Variants in NALF1 observed in about 807,000 individuals in gnomAD.
The protein encoded by NALF1 is NALCN channel auxiliary factor 1, also known as family with sequence similarity 155 member A.
Under a neutral mutation model 48.4 loss-of-function variants are expected in NALF1, and 3 were observed. That is an observed-to-expected ratio of 0.06 (90% CI 0.03 to 0.16). The LOEUF (loss-of-function observed/expected upper bound fraction) is 0.16, where lower values mean the gene tolerates loss of function less well. Among genes scored for constraint, NALF1 ranks in the 10% least tolerant of loss-of-function variants. The pLI is 1.00. For missense variants in NALF1, 526 were observed against 571.5 expected, an observed-to-expected ratio of 0.92 and a Z score of 0.81; for synonymous variants, 262 against 245.7, an observed-to-expected ratio of 1.07 and a Z score of -0.62.
intron 1 of NALF1, among the ~76,000 whole-genome samples, chr13:107,584,399 A>T (rs1878396090): frequency 6.6e-6 from 1 of 152,162 alleles, no homozygotes; most frequent in African/African-American, 2.4e-5. Flanking sequence ...TAAGAATATG[A>T]GTTTTCTTCT....
chr13:107,638,187 T>TTATA (rs559263292), intron 1 of NALF1, among the ~76,000 whole-genome samples: 1,645 of 53,112 alleles, frequency 0.031, 98 homozygotes, highest in Non-Finnish European at 0.059. Flanking sequence ...ATATAAAGAT[T>TTATA]TATATATATA....
intron 1 of NALF1, among the ~76,000 whole-genome samples, chr13:107,758,699 G>A (rs1046992534): frequency 2.0e-5 from 3 of 152,020 alleles, no homozygotes; most frequent in Non-Finnish European, 2.9e-5. Context: ...CCAGGCTGGT[G>A]ACAGAGCGAG....
chr13:107,349,738 T>G (rs1368414615), intron 1 of NALF1, among the ~76,000 whole-genome samples: 3 of 96,668 alleles, frequency 3.1e-5, no homozygotes, highest in Non-Finnish European at 5.9e-5. Context: ...AGAATACGTC[T>G]CAAAAAAAAA....
At chr13:107,589,519 TA>T (rs1288441712) in intron 1 of NALF1, among the ~76,000 whole-genome samples, 3 of 152,070 alleles carry the variant, frequency 2.0e-5, no homozygotes, top group Admixed American at 1.3e-4. Context: ...TTCAAACAGT[TA>T]TCTGTGACTT....
intron 1 of NALF1, among the ~76,000 whole-genome samples, chr13:107,473,204 C>G (rs1885127745): frequency 1.3e-5 from 2 of 152,150 alleles, no homozygotes; most frequent in African/African-American, 4.8e-5. Flanking sequence ...ACTGACTGAT[C>G]TTTTTCATGA....
chr13:107,823,507 C>T (rs917042239), intron 1 of NALF1, among the ~76,000 whole-genome samples: 1 of 152,200 alleles, frequency 6.6e-6, no homozygotes, highest in African/African-American at 2.4e-5. Context: ...TTTGCCTCTG[C>T]GTACCCCTCC....
intron 1 of NALF1, among the ~76,000 whole-genome samples, chr13:107,642,670 GATAC>G (rs1880191289): frequency 6.6e-6 from 1 of 152,104 alleles, no homozygotes. Flanking sequence ...ATCACAGAGG[GATAC>G]ATACATAGGT....
At chr13:107,776,964 C>T (rs915788073) in intron 1 of NALF1, among the ~76,000 whole-genome samples, 1 of 151,958 alleles carries the variant, frequency 6.6e-6, no homozygotes, top group South Asian at 2.1e-4. Flanking sequence ...TGGTGGCTCA[C>T]GTCTATAGTC....
intron 1 of NALF1, among the ~76,000 whole-genome samples, chr13:107,320,651 T>TTA (rs1380545712): frequency 6.6e-6 from 1 of 152,088 alleles, no homozygotes; most frequent in Admixed American, 6.6e-5. Context: ...GAATGTTGGT[T>TTA]TATGGACATT....
chr13:107,816,719 G>T (rs939307937), intron 1 of NALF1, among the ~76,000 whole-genome samples: 4 of 152,018 alleles, frequency 2.6e-5, no homozygotes, highest in Non-Finnish European at 2.9e-5. Context: ...ATATGACAAA[G>T]TTTGCTGAAC....
chr13:107,376,323 A>T (rs1883338184), intron 1 of NALF1, among the ~76,000 whole-genome samples: 2 of 152,134 alleles, frequency 1.3e-5, no homozygotes, highest in South Asian at 4.1e-4. Flanking sequence ...GTGAAGCGAT[A>T]GATAGGTGTG....
chr13:107,260,212 A>G (rs761773834), intron 1 of NALF1, among the ~76,000 whole-genome samples: 1 of 152,222 alleles, frequency 6.6e-6, no homozygotes, highest in Non-Finnish European at 1.5e-5. Context: ...AGGGATAATT[A>G]GTTAAGATAC....
intron 1 of NALF1, among the ~76,000 whole-genome samples, chr13:107,740,896 T>C (rs1325134970): frequency 6.6e-6 from 1 of 152,156 alleles, no homozygotes; most frequent in African/African-American, 2.4e-5. Context: ...GCTATTTCTT[T>C]TGGTTAAAGG....
chr13:107,249,831 G>T (rs551662684), intron 1 of NALF1, among the ~76,000 whole-genome samples: 3 of 152,074 alleles, frequency 2.0e-5, no homozygotes, highest in South Asian at 4.2e-4. Flanking sequence ...TAACAGTTTT[G>T]ATTTTTATGT....
At chr13:107,785,287 T>C (rs1878039210) in intron 1 of NALF1, among the ~76,000 whole-genome samples, 2 of 151,826 alleles carry the variant, frequency 1.3e-5, no homozygotes, top group Admixed American at 1.3e-4. Context: ...ACAAAACCGC[T>C]CCCCTCAGTG....
At chr13:107,292,787 C>T (rs1213807434) in intron 1 of NALF1, among the ~76,000 whole-genome samples, 6 of 152,058 alleles carry the variant, frequency 3.9e-5, no homozygotes, top group Non-Finnish European at 7.4e-5. Flanking sequence ...AATATTTAAA[C>T]CAGTAACAAT....
chr13:107,287,819 C>A (rs1881528733), intron 1 of NALF1, among the ~76,000 whole-genome samples: 1 of 150,744 alleles, frequency 6.6e-6, no homozygotes, highest in Non-Finnish European at 1.5e-5. Flanking sequence ...GATTCTCCTG[C>A]CTCAGCCTCC....
chr13:107,711,624 A>T (rs1875595274), intron 1 of NALF1, among the ~76,000 whole-genome samples: 2 of 152,228 alleles, frequency 1.3e-5, no homozygotes, highest in African/African-American at 4.8e-5. Context: ...AGTTATATAA[A>T]GCACCCAAGA....
intron 1 of NALF1, among the ~76,000 whole-genome samples, chr13:107,850,993 G>A (rs1880299501): frequency 6.6e-6 from 1 of 152,156 alleles, no homozygotes; most frequent in Admixed American, 6.5e-5. Context: ...TGATTTGTCG[G>A]AGGTTATAAC....
Sources: allele counts gnomAD v4.1 joint callset (sites outside exome capture counted in the v4.1 genomes callset), GRCh38; gene constraint gnomAD v4.1.1; transcripts MANE v1.5; gene names NCBI Gene and HGNC (gene_info 2026-07-23, HGNC 2026-07-21).